DMD: variants seen among roughly 807,000 people sequenced by gnomAD.
The protein encoded by DMD is mutant dystrophin.
In DMD, 63 loss-of-function variants were observed where a neutral mutation model predicts 330.1. That is an observed-to-expected ratio of 0.19 (90% CI 0.16 to 0.24). DMD has a LOEUF of 0.24. DMD is among the 10% of genes least tolerant of loss of function. The probability of loss-of-function intolerance (pLI) is 1.00; values close to 1 mark genes in which losing one functional copy is unlikely to be tolerated. For missense variants in DMD, 3,344 were observed against 2,684.1 expected (o/e 1.25, Z -5.43); for synonymous variants, 1,223 against 959.8 (o/e 1.27, Z -5.07).
intron 41 of DMD, among the ~76,000 whole-genome samples, chrX:32,334,835 G>C (rs186364842): frequency 1.8e-5 from 2 of 111,556 alleles, no homozygotes; most frequent in Admixed American, 9.6e-5. Flanking sequence ...AAACGCACTA[G>C]AAAGTTATAG....
At chrX:32,618,093 T>C (rs2057718671) in intron 11 of DMD, among the ~76,000 whole-genome samples, 1 of 111,967 alleles carries the variant, frequency 8.9e-6, no homozygotes, top group African/African-American at 3.2e-5. Flanking sequence ...CAACTATTGT[T>C]GAAAACAGTG....
At position 31,252,838 on chromosome X, in the gene DMD, C is replaced by A. The variant is rs113369079; in HGVS notation, c.9286+8117G>T. 1.9e-3 allele frequency among the ~76,000 whole-genome samples: 214 copies of A among 111,013 alleles called. 1 individual carries two copies. The highest frequency in any genetic ancestry group is 0.014 in the Middle Eastern group (3 of 216). ...ACCATCCTGGCCAACATGGTGAAAC[C>A]CCGTCTCTACTAAAAATACAAAAAT... On this transcript the variant is annotated intron_variant, in intron 63 of 78. Transcript: ENST00000357033.
intron 9 of DMD, among the ~76,000 whole-genome samples, chrX:32,685,926 T>G (rs1261059420): frequency 1.8e-5 from 2 of 112,072 alleles, no homozygotes; most frequent in Non-Finnish European, 1.9e-5. Context: ...GATTTTAAAG[T>G]CACTCTAATT....
intron 54 of DMD, among the ~76,000 whole-genome samples, chrX:31,647,996 T>C (rs1315730733): frequency 8.9e-6 from 1 of 112,286 alleles, no homozygotes; most frequent in Non-Finnish European, 1.9e-5. Flanking sequence ...AGAATGTCAC[T>C]ATGTACTTCA....
chrX:32,788,800 T>A (rs1382260123), intron 7 of DMD, among the ~76,000 whole-genome samples: 1 of 112,161 alleles, frequency 8.9e-6, no homozygotes, highest in Non-Finnish European at 1.9e-5. Flanking sequence ...AAAACTATTA[T>A]TTTACCATCA....
intron 43 of DMD, among the ~76,000 whole-genome samples, chrX:32,276,894 T>G (rs757003298): frequency 1.7e-4 from 19 of 108,718 alleles, no homozygotes; most frequent in African/African-American, 6.1e-4. Flanking sequence ...CACTCCAGCC[T>G]GGGCAACAGA....
chrX:32,721,505 G>GAA (rs369487460), intron 7 of DMD, among the ~76,000 whole-genome samples: 10 of 105,427 alleles, frequency 9.5e-5, no homozygotes, highest in African/African-American at 3.4e-4. Flanking sequence ...CATCTTCTTT[G>GAA]AAAAAAAAAA....
At chrX:32,329,901 T>C (rs2097670864) in intron 41 of DMD, among the ~76,000 whole-genome samples, 1 of 112,546 alleles carries the variant, frequency 8.9e-6, no homozygotes, top group Admixed American at 9.4e-5. Flanking sequence ...TGTACAGATA[T>C]GGGCACTTGG....
chrX:33,167,844 C>T (rs1018689537), intron 1 of DMD, among the ~76,000 whole-genome samples: 1 of 111,004 alleles, frequency 9.0e-6, no homozygotes, highest in Non-Finnish European at 1.9e-5. Context: ...GCTCATTAAC[C>T]ATTCAGTGTC....
intron 1 of DMD, among the ~76,000 whole-genome samples, chrX:33,082,443 GA>G (rs2094944550): frequency 8.9e-6 from 1 of 112,289 alleles, no homozygotes; most frequent in African/African-American, 3.2e-5. Context: ...GAGGAAATCA[GA>G]AAAGAAACTT....
intron 16 of DMD, among the ~76,000 whole-genome samples, chrX:32,565,436 C>T (rs953456386): frequency 3.6e-5 from 4 of 111,395 alleles, no homozygotes; most frequent in East Asian, 2.8e-4. Context: ...GCATTTTGTT[C>T]GCCTGCTCTA....
intron 1 of DMD, among the ~76,000 whole-genome samples, chrX:33,129,325 C>CTTT (rs58505662): frequency 0.021 from 660 of 30,703 alleles, 175 homozygotes; most frequent in East Asian, 0.15. Flanking sequence ...TTAAGGTTTG[C>CTTT]TTTTTTTTTT....
chrX:32,277,027 G>T (rs189044307), intron 43 of DMD, among the ~76,000 whole-genome samples: 1 of 111,663 alleles, frequency 9.0e-6, no homozygotes, highest in Non-Finnish European at 1.9e-5. Context: ...CCAATTTTGT[G>T]TTGACCTCAA....
At chrX:31,754,177 T>C (rs1014192107) in intron 51 of DMD, among the ~76,000 whole-genome samples, 3 of 111,544 alleles carry the variant, frequency 2.7e-5, no homozygotes, top group Non-Finnish European at 5.7e-5. Flanking sequence ...AATAGCAGTG[T>C]TATTAGAAAG....
intron 1 of DMD, among the ~76,000 whole-genome samples, chrX:33,229,561 G>A (rs2052353498): frequency 9.0e-6 from 1 of 111,627 alleles, no homozygotes; most frequent in Non-Finnish European, 1.9e-5. Flanking sequence ...TAAAAAATGA[G>A]TTTGCACATA....
chrX:31,626,433 T>C (rs889080862), intron 55 of DMD, among the ~76,000 whole-genome samples: 4 of 112,072 alleles, frequency 3.6e-5, no homozygotes, highest in Non-Finnish European at 5.6e-5. Flanking sequence ...AGCAAAAAAC[T>C]CTACATTTGC....
At chrX:31,981,720 A>C (rs1204588977) in intron 44 of DMD, among the ~76,000 whole-genome samples, 2 of 111,615 alleles carry the variant, frequency 1.8e-5, no homozygotes. Flanking sequence ...AATGTTCATC[A>C]GACTGGAAAA....
intron 9 of DMD, among the ~76,000 whole-genome samples, chrX:32,655,967 CCTT>C (rs201167104): frequency 0.073 from 8,123 of 110,959 alleles, 727 homozygotes; most frequent in African/African-American, 0.25. Flanking sequence ...GCAACCCCTG[CCTT>C]TTTTTGAAAA....
intron 60 of DMD, among the ~76,000 whole-genome samples, chrX:31,395,305 T>C (rs1475447095): frequency 8.9e-6 from 1 of 112,487 alleles, no homozygotes; most frequent in African/African-American, 3.2e-5. Context: ...AGAACTCTTA[T>C]ACTTCATGTC....
Sources: gnomAD v4.1 joint callset for allele counts (sites outside exome capture counted in the v4.1 genomes callset) on GRCh38, gnomAD v4.1.1 for gene constraint, MANE v1.5 for transcripts, NCBI Gene and HGNC (gene_info 2026-07-23, HGNC 2026-07-21) for gene names.